Variants in HCN1 observed in about 807,000 individuals in gnomAD.
HCN1 encodes the protein potassium/sodium hyperpolarization-activated cyclic nucleotide-gated channel 1.
In HCN1, 13 loss-of-function variants were observed where a neutral mutation model predicts 78.9. That is an observed-to-expected ratio of 0.16 (90% CI 0.11 to 0.26). The LOEUF (loss-of-function observed/expected upper bound fraction) is 0.26, where lower values mean the gene tolerates loss of function less well. HCN1 is among the 10% of genes least tolerant of loss of function. HCN1 has a pLI of 1.00. For synonymous variants in HCN1, 552 were observed against 455.5 expected (o/e 1.21, Z -2.70); for missense variants, 810 against 1,154.3 (o/e 0.70, Z 4.32).
intron 2 of HCN1, among the ~76,000 whole-genome samples, chr5:45,594,976 A>T (rs1744457536): frequency 6.6e-6 from 1 of 152,176 alleles, no homozygotes; most frequent in Non-Finnish European, 1.5e-5. Context: ...CTCAGGGCAG[A>T]TGTGGTGGTG....
intron 2 of HCN1, among the ~76,000 whole-genome samples, chr5:45,593,766 C>A (rs1172638501): frequency 6.6e-6 from 1 of 151,938 alleles, no homozygotes; most frequent in East Asian, 1.9e-4. Flanking sequence ...CTTCCACCTC[C>A]CCGGTTCAAG....
chr5:45,308,267 C>T (rs1027561670), intron 5 of HCN1, among the ~76,000 whole-genome samples: 1 of 152,012 alleles, frequency 6.6e-6, no homozygotes, highest in Non-Finnish European at 1.5e-5. Context: ...GTACAGGCTG[C>T]TGAATCGTGA....
At chr5:45,659,639 G>A (rs1349741224) in intron 1 of HCN1, among the ~76,000 whole-genome samples, 1 of 144,320 alleles carries the variant, frequency 6.9e-6, no homozygotes, top group African/African-American at 2.6e-5. Context: ...ACCAAGGCTC[G>A]AGAACTACGT....
chr5:45,280,383 T>A (rs1440311087), intron 6 of HCN1, among the ~76,000 whole-genome samples: 7 of 152,158 alleles, frequency 4.6e-5, no homozygotes, highest in Admixed American at 3.9e-4. Flanking sequence ...TGACTAATAT[T>A]AACTTCTCCA....
At chr5:45,544,961 A>AC (rs1227024468) in intron 2 of HCN1, among the ~76,000 whole-genome samples, 1 of 152,062 alleles carries the variant, frequency 6.6e-6, no homozygotes, top group African/African-American at 2.4e-5. Flanking sequence ...TTGGGTATAT[A>AC]CCAGTAATGG....
intron 2 of HCN1, 29 bp downstream of exon 2, chr5:45,645,156 G>A (rs747927678): frequency 6.6e-7 from 1 of 1,515,958 alleles, no homozygotes; most frequent in African/African-American, 1.4e-5. Flanking sequence ...TCATGATATA[G>A]ATTTAAAAAA....
chr5:45,348,342 G>T (rs1485860407), intron 5 of HCN1, among the ~76,000 whole-genome samples: 3 of 152,114 alleles, frequency 2.0e-5, no homozygotes, highest in African/African-American at 4.8e-5. Flanking sequence ...CAGCAGGCCT[G>T]CCCTAAAAGA....
chr5:45,301,865 GAT>G (rs1745629900), intron 6 of HCN1, among the ~76,000 whole-genome samples: 1 of 151,724 alleles, frequency 6.6e-6, no homozygotes, highest in Non-Finnish European at 1.5e-5. Flanking sequence ...AATAATGACA[GAT>G]ATTGTAAATG....
chr5:45,372,116 T>C (rs1208906298), intron 4 of HCN1, among the ~76,000 whole-genome samples: 2 of 51,604 alleles, frequency 3.9e-5, no homozygotes, highest in Admixed American at 3.7e-4. Flanking sequence ...ATAATATAAT[T>C]ATATATTATA....
At chr5:45,588,582 C>A (rs1276127824) in intron 2 of HCN1, among the ~76,000 whole-genome samples, 1 of 152,124 alleles carries the variant, frequency 6.6e-6, no homozygotes, top group African/African-American at 2.4e-5. Flanking sequence ...TCCTGCCCCA[C>A]CAGGCATTAT....
intron 2 of HCN1, among the ~76,000 whole-genome samples, chr5:45,522,325 T>A (rs1742631373): frequency 2.6e-5 from 4 of 152,002 alleles, no homozygotes; most frequent in Non-Finnish European, 4.4e-5. Context: ...GAAATGATCA[T>A]TAAAACCTTT....
chr5:45,669,963 T>C (rs368029725), intron 1 of HCN1, among the ~76,000 whole-genome samples: 19 of 151,810 alleles, frequency 1.3e-4, no homozygotes, highest in South Asian at 1.0e-3. Flanking sequence ...CCCTCTGTAA[T>C]TGGAATGAAG....
rs10066808 is a variant in HCN1 at position 45,695,935 on chromosome 5, G to C, written c.159C>G (p.His53Gln). The change falls in exon 1 of 8, where the codon CAC becomes CAG. Residue 53 changes from histidine (H) to glutamine (Q), a missense_variant. Coordinates refer to ENST00000303230, the MANE Select transcript of HCN1 (RefSeq NM_021072.4). ...CCACCTTGAAGCACACGGAGTTGCCGTGCTCCTTCGCGCCGGCCCCGCCGC... is the reference window on the plus strand; with the variant it reads ...CCACCTTGAAGCACACGGAGTTGCCCTGCTCCTTCGCGCCGGCCCCGCCGC... ...PGGGGAGAKE[H>Q]GNSVCFKVDG... 2.3e-4 allele frequency: 321 copies of C among 1,423,114 alleles called. 3 individuals carry two copies. In the African/African-American group the frequency reaches 4.6e-3, roughly 20 times the overall value. The allele number at this position is 1,423,114 out of a possible 1,614,324, so 88.2% of individuals were successfully genotyped here.
rs1414801940 is a variant in HCN1, at chr5:45,256,036, T to C, written c.*5885A>G. Reference sequence around the variant, plus strand: ...TTTCTTCAATTGAATGAATCAATAGTATTCTCTGCTCATATGGTATTACTG... The same window carrying C: ...TTTCTTCAATTGAATGAATCAATAGCATTCTCTGCTCATATGGTATTACTG... On this transcript the variant is annotated 3_prime_UTR_variant, in exon 8 of 8. Transcript: ENST00000303230. The C allele has an allele frequency of 2.6e-5, 4 of 152,158 alleles. No homozygotes were observed. The highest frequency in any genetic ancestry group is 7.2e-5 in the African/African-American group (3 of 41,446). The allele number at this position is 152,158 out of a possible 1,614,324, so 9.4% of individuals were successfully genotyped here. A position where few individuals can be genotyped will look rare whatever the true frequency, so the allele number is the denominator to read the frequency against.
At chr5:45,498,753 G>A (rs1398959900) in intron 2 of HCN1, among the ~76,000 whole-genome samples, 1 of 152,126 alleles carries the variant, frequency 6.6e-6, no homozygotes, top group Non-Finnish European at 1.5e-5. Flanking sequence ...ATGTACAGAT[G>A]GGTTTTTGGT....
chr5:45,547,957 T>C (rs1743263496), intron 2 of HCN1, among the ~76,000 whole-genome samples: 1 of 151,956 alleles, frequency 6.6e-6, no homozygotes, highest in Non-Finnish European at 1.5e-5. Context: ...CAAGATGATT[T>C]TTCAAATCAC....
intron 4 of HCN1, among the ~76,000 whole-genome samples, chr5:45,374,780 A>G (rs905658834): frequency 8.8e-5 from 13 of 147,290 alleles, no homozygotes; most frequent in African/African-American, 3.0e-4. Flanking sequence ...ATATATATAT[A>G]TATGTGTGTA....
chr5:45,346,579 G>A (rs1410041333), intron 5 of HCN1, among the ~76,000 whole-genome samples: 1 of 152,218 alleles, frequency 6.6e-6, no homozygotes, highest in Non-Finnish European at 1.5e-5. Flanking sequence ...CACTCAGGAA[G>A]CGCAAGGGGT....
At chr5:45,653,375 G>C (rs1745712805) in intron 1 of HCN1, among the ~76,000 whole-genome samples, 1 of 152,024 alleles carries the variant, frequency 6.6e-6, no homozygotes, top group South Asian at 2.1e-4. Flanking sequence ...CTACTGAACA[G>C]TGAATACTCT....
Sources: gnomAD v4.1 joint callset for allele counts (sites outside exome capture counted in the v4.1 genomes callset) on GRCh38, gnomAD v4.1.1 for gene constraint, MANE v1.5 for transcripts, NCBI Gene and HGNC (gene_info 2026-07-23, HGNC 2026-07-21) for gene names.